FMN2: variants seen among roughly 807,000 people sequenced by gnomAD.
FMN2 encodes formin 2.
FMN2 carries 51 observed loss-of-function variants against 142.3 expected under a neutral mutation model. The observed-to-expected ratio is 0.36, with a 90% CI of 0.29 to 0.45. The LOEUF (loss-of-function observed/expected upper bound fraction) is 0.45. FMN2 is among the 20% of genes least tolerant of loss of function. The pLI is 1.00. For missense variants in FMN2, 1,936 were observed against 2,122.8 expected (o/e 0.91, Z 1.73); for synonymous variants, 882 against 869.8 (o/e 1.01, Z -0.25).
intron 2 of FMN2, chr1:240,145,122 A>G: frequency 6.7e-7 from 1 of 1,484,274 alleles, no homozygotes. Flanking sequence ...GAAGTTGTAG[A>G]AGAACGAATC....
chr1:240,093,722 C>G lies in FMN2; in HGVS notation c.1613C>G (p.Thr538Arg), dbSNP rs1661097849. 1 of 1,340,250 alleles carries G rather than the reference C, an allele frequency of 7.5e-7. No individual in the cohort carries two copies. Among genetic ancestry groups the G allele is most frequent in the South Asian group, 2.3e-5 (1 of 44,168 alleles). The allele number at this position is 1,340,250 out of a possible 1,614,324, so 83.0% of individuals were successfully genotyped here. Residue 538 changes from threonine to arginine, a missense_variant and splice_region_variant, in exon 1 of 18, where the codon ACA becomes AGA. By Grantham distance (71) the Thr-to-Arg change is moderately conservative. Coordinates refer to ENST00000319653, the MANE Select transcript of FMN2 (RefSeq NM_020066.5). ...GCGGATGGCTTCCAGAACGTGTTCA[C>G]AGGTGAGCGCGCCCTGCTGCTGGCC... is the stretch of plus-strand genomic sequence containing the variant. ...AAADGFQNVF[T>R]GRTLLEKLFS...
chr1:240,378,820 A>G (rs1673133218), intron 14 of FMN2, among the ~76,000 whole-genome samples: 1 of 152,078 alleles, frequency 6.6e-6, no homozygotes, highest in Non-Finnish European at 1.5e-5. Context: ...TTTTGTTTAT[A>G]TCATCCATTT....
intron 7 of FMN2, 72 bp from the exon 8 acceptor site, chr1:240,294,750 G>A: frequency 7.1e-7 from 1 of 1,417,824 alleles, no homozygotes. Flanking sequence ...CCGTGAGCCT[G>A]CTGCCTGAGA....
chr1:240,156,606 C>T (rs1303499967), intron 2 of FMN2, among the ~76,000 whole-genome samples: 6 of 152,090 alleles, frequency 3.9e-5, no homozygotes, highest in Non-Finnish European at 8.8e-5. Flanking sequence ...TTTTTCTCTC[C>T]AACAGCTGAG....
chr1:240,159,879 A>C (rs1474691001), intron 2 of FMN2, among the ~76,000 whole-genome samples: 3 of 145,102 alleles, frequency 2.1e-5, no homozygotes, highest in Non-Finnish European at 4.5e-5. Flanking sequence ...ATTTGCATAC[A>C]TGGAGAGATA....
chr1:240,425,421 T>C (rs188216775), intron 15 of FMN2, among the ~76,000 whole-genome samples: 36 of 152,302 alleles, frequency 2.4e-4, no homozygotes, highest in African/African-American at 8.4e-4. Flanking sequence ...GTAAAAACAC[T>C]TATGATTCTG....
intron 1 of FMN2, among the ~76,000 whole-genome samples, chr1:240,094,943 C>T (rs550649581): frequency 1.3e-5 from 2 of 152,158 alleles, no homozygotes; most frequent in South Asian, 4.2e-4. Flanking sequence ...TTTTATTTTG[C>T]CCTTATAGGG....
At position 240,207,535 on chromosome 1, in the gene FMN2, T is replaced by C. The variant is rs1666416544; in HGVS notation, c.2723T>C (p.Leu908Pro). The change falls in exon 5 of 18, where the codon CTG (leucine) becomes CCG (proline). Residue 908 changes from leucine to proline, a missense_variant. Leu to Pro is a moderately conservative substitution (Grantham distance 98). Around this residue, in one of 8 missense-constraint regions of FMN2, gnomAD observed 478 missense variants for 462.8 expected, o/e 1.03. Transcript: ENST00000319653. ...QPPPLQGTEM[L>P]PPPPPPLPGA... The stretch of plus-strand genomic sequence containing the variant: ...CCTCCTCTGCAGGGTACAGAAATGC[T>C]GCCACCCCCTCCCCCTCCTCTTCCC... The C allele has an allele frequency of 6.2e-7, 1 of 1,611,356 alleles. No individual in the cohort carries two copies. The highest frequency in any genetic ancestry group is 1.7e-5 in the Admixed American group (1 of 59,838).
At position 240,408,000 on chromosome 1, in the gene FMN2, A is replaced by G. The variant is rs192908556; in HGVS notation, c.4910+15438A>G. On this transcript the variant is annotated intron_variant, in intron 15 of 17. Coordinates refer to ENST00000319653, the MANE Select transcript of FMN2 (RefSeq NM_020066.5). ...TAGATTTCGCATCCTACTTCCAGAA[A>G]ATTGCCAAACTCTATTGTATATTAT... 3.2e-3 allele frequency among the ~76,000 whole-genome samples: 487 copies of G among 152,238 alleles called. 2 individuals are homozygous for G. Among genetic ancestry groups the G allele is most frequent in the African/African-American group, 0.011 (466 of 41,530 alleles).
intron 16 of FMN2, among the ~76,000 whole-genome samples, chr1:240,456,605 C>T (rs113319177): frequency 1.2e-4 from 18 of 152,268 alleles, no homozygotes; most frequent in South Asian, 2.1e-4. Flanking sequence ...TACAGGCATG[C>T]GCCACCATGC....
chr1:240,434,601 A>G (rs1002745986), intron 15 of FMN2, among the ~76,000 whole-genome samples: 13 of 149,046 alleles, frequency 8.7e-5, no homozygotes, highest in African/African-American at 1.2e-4. Flanking sequence ...TCGCTCTGTC[A>G]CCCAGGCTGG....
intron 15 of FMN2, among the ~76,000 whole-genome samples, chr1:240,417,457 GGCCTGGTACTGTGAATTC>G (rs1274496982): frequency 6.6e-6 from 1 of 151,702 alleles, no homozygotes; most frequent in East Asian, 1.9e-4. Context: ...GTTTTTATAG[GGCCTGGTACTGTGAATTC>G]AGATGGAAAA....
chr1:240,362,706 AG>A (rs1473580097), intron 14 of FMN2, among the ~76,000 whole-genome samples: 2 of 152,140 alleles, frequency 1.3e-5, no homozygotes, highest in Non-Finnish European at 2.9e-5. Flanking sequence ...GTGCTCCCTT[AG>A]TCATATGGTA....
intron 3 of FMN2, among the ~76,000 whole-genome samples, chr1:240,184,861 C>G (rs919179590): frequency 1.3e-5 from 2 of 151,942 alleles, no homozygotes; most frequent in Non-Finnish European, 2.9e-5. Context: ...ACTCTTCAGC[C>G]ATTACTGGTA....
At chr1:240,256,226 A>G (rs2102894416) in intron 6 of FMN2, among the ~76,000 whole-genome samples, 1 of 151,688 alleles carries the variant, frequency 6.6e-6, no homozygotes, top group Non-Finnish European at 1.5e-5. Context: ...CTCTGATATT[A>G]AATTCCTACT....
At chr1:240,420,832 G>T (rs1413528456) in intron 15 of FMN2, among the ~76,000 whole-genome samples, 1 of 152,138 alleles carries the variant, frequency 6.6e-6, no homozygotes, top group Non-Finnish European at 1.5e-5. Context: ...CCCGGTTCTC[G>T]CAGACTACTT....
At chr1:240,134,512 C>G (rs1447554730) in intron 2 of FMN2, among the ~76,000 whole-genome samples, 1 of 151,974 alleles carries the variant, frequency 6.6e-6, no homozygotes, top group African/African-American at 2.4e-5. Flanking sequence ...GTAGTCCCAG[C>G]TATTGGAGAG....
intron 6 of FMN2, among the ~76,000 whole-genome samples, chr1:240,250,588 C>G (rs961052106): frequency 3.3e-5 from 5 of 152,018 alleles, no homozygotes; most frequent in African/African-American, 1.2e-4. Flanking sequence ...CAGGGTAATG[C>G]TGACCTGGTG....
At chr1:240,094,994 C>A (rs1410176787) in intron 1 of FMN2, among the ~76,000 whole-genome samples, 1 of 152,020 alleles carries the variant, frequency 6.6e-6, no homozygotes, top group African/African-American at 2.4e-5. Flanking sequence ...ATTTCACATA[C>A]TCTTATTTTT....
Sources: gnomAD v4.1 joint callset for allele counts (sites outside exome capture counted in the v4.1 genomes callset) on GRCh38, gnomAD v4.1.1 for gene constraint, gnomAD v4.1.1 regional missense constraint, MANE v1.5 for transcripts, NCBI Gene and HGNC (gene_info 2026-07-23, HGNC 2026-07-21) for gene names.